CATSPERE: variants seen among roughly 807,000 people sequenced by gnomAD.
CATSPERE encodes cation channel sperm-associated auxiliary subunit epsilon.
CATSPERE carries 93 observed loss-of-function variants against 114.1 expected under a neutral mutation model. The observed-to-expected ratio is 0.81, with a 90% CI of 0.69 to 0.97. CATSPERE has a LOEUF of 0.97. CATSPERE is among the 50% of genes least tolerant of loss of function. The probability of loss-of-function intolerance (pLI) is 0.00; values close to 1 mark genes in which losing one functional copy is unlikely to be tolerated. For missense variants in CATSPERE, 1,058 were observed against 1,131.6 expected (o/e 0.93, Z 0.93); for synonymous variants, 341 against 384.1 (o/e 0.89, Z 1.31).
At chr1:244,610,103 C>G in intron 18 of CATSPERE, 137 bp from the exon 19 acceptor site, 1 of 600,518 alleles carries the variant, frequency 1.7e-6, no homozygotes, top group Non-Finnish European at 2.9e-6. Context: ...AATTATTCCT[C>G]TGTATACCAG....
chr1:244,618,935 G>A (rs991555119), intron 20 of CATSPERE, among the ~76,000 whole-genome samples: 7 of 152,184 alleles, frequency 4.6e-5, no homozygotes, highest in Admixed American at 6.5e-5. Flanking sequence ...TTGATCTAAC[G>A]TGGCAAGTAA....
chr1:244,534,287 C>T (rs3005966), intron 8 of CATSPERE, among the ~76,000 whole-genome samples: 132,526 of 152,090 alleles, frequency 0.87, 58,672 homozygotes, highest in East Asian at 1. Context: ...CTTCTTGTAC[C>T]GAATATTGAT....
chr1:244,588,321 C>A (rs1259304716), intron 13 of CATSPERE, among the ~76,000 whole-genome samples, 161 bp from the exon 14 acceptor site: 1 of 150,918 alleles, frequency 6.6e-6, no homozygotes, highest in Non-Finnish European at 1.5e-5. Flanking sequence ...AAAAAGTGAT[C>A]AAGGAAAGAG....
intron 8 of CATSPERE, among the ~76,000 whole-genome samples, chr1:244,545,355 A>G (rs747354798): frequency 1.3e-5 from 2 of 152,200 alleles, no homozygotes; most frequent in African/African-American, 2.4e-5. Flanking sequence ...TGGGATTGTT[A>G]TGCTGGGCCA....
chr1:244,640,042 A>G lies in CATSPERE; in HGVS notation c.2817A>G (p.Glu939=). Residue 939 remains glutamate, a synonymous_variant, in exon 22 of 22, where the codon GAA becomes GAG. Coordinates refer to ENST00000366534, the MANE Select transcript of CATSPERE (RefSeq NM_001130957.2). ...YMRIYRRYIY[E]PLHKPQRKRK... is the part of the protein sequence containing the mutation. ...GGATTTATAGACGATATATTTATGA[A>G]CCACTTCACAAACCTCAAAGAAAAC... 6.4e-7 allele frequency: 1 copy of G among 1,550,580 alleles called. No individual in the cohort carries two copies. The highest frequency in any genetic ancestry group is 8.7e-7 in the Non-Finnish European group (1 of 1,146,454).
chr1:244,521,020 G>C (rs1000956074), intron 8 of CATSPERE, among the ~76,000 whole-genome samples: 1 of 152,166 alleles, frequency 6.6e-6, no homozygotes, highest in Non-Finnish European at 1.5e-5. Flanking sequence ...TCTTATTCGT[G>C]AATGTAGATG....
chr1:244,621,325 T>TAAATATATAAATATATAAA (rs1558611656), intron 20 of CATSPERE, among the ~76,000 whole-genome samples: 2 of 11,740 alleles, frequency 1.7e-4, no homozygotes, highest in African/African-American at 3.8e-4. Flanking sequence ...AATATATATA[T>TAAATATATAAATATATAAA]ATATATATAT....
Position 244,605,722 on chromosome 1 carries a change from C to T in CATSPERE, c.2331C>T (p.Asp777=), listed in dbSNP as rs754905441. 62 of 1,612,254 alleles carry T rather than the reference C, an allele frequency of 3.8e-5. 1 individual carries two copies. In the South Asian group the frequency reaches 4.8e-4, roughly 13 times the overall value. The change falls in exon 18 of 22, where the codon GAC becomes GAT. Residue 777 remains aspartate, a synonymous_variant. Coordinates refer to ENST00000366534, the MANE Select transcript of CATSPERE (RefSeq NM_001130957.2). ...TTGATGATAATGGCTATGTTAAAGACGTTGAAGCAAATTTCATAGTGTGGG... is the reference window on the plus strand; with the variant it reads ...TTGATGATAATGGCTATGTTAAAGATGTTGAAGCAAATTTCATAGTGTGGG... The part of the protein sequence containing the change: ...QLFDDNGYVK[D]VEANFIVWEI...
chr1:244,488,740 C>T (rs1671474544), intron 5 of CATSPERE, among the ~76,000 whole-genome samples: 1 of 152,182 alleles, frequency 6.6e-6, no homozygotes, highest in Non-Finnish European at 1.5e-5. Flanking sequence ...AAGCATAACA[C>T]AAGGCAGAAG....
chr1:244,479,920 A>T, intron 5 of CATSPERE, 136 bp downstream of exon 5: 1 of 430,094 alleles, frequency 2.3e-6, no homozygotes, highest in Non-Finnish European at 4.1e-6. Flanking sequence ...ATTCTCAAAT[A>T]TACTGCCGAA....
intron 20 of CATSPERE, among the ~76,000 whole-genome samples, chr1:244,630,517 A>C (rs1312125657): frequency 6.6e-6 from 1 of 152,272 alleles, no homozygotes; most frequent in East Asian, 1.9e-4. Context: ...TGGGGGAGAT[A>C]GCAACTACTG....
intron 8 of CATSPERE, among the ~76,000 whole-genome samples, chr1:244,522,237 T>C (rs932806552): frequency 2.0e-5 from 3 of 152,146 alleles, no homozygotes; most frequent in Non-Finnish European, 1.5e-5. Context: ...GAATGACTAC[T>C]GGGTACATAA....
intron 10 of CATSPERE, among the ~76,000 whole-genome samples, chr1:244,565,761 T>C (rs1663362289): frequency 6.6e-6 from 1 of 152,150 alleles, no homozygotes; most frequent in Non-Finnish European, 1.5e-5. Context: ...GATTTCAAGA[T>C]TCATAGATTC....
intron 13 of CATSPERE, among the ~76,000 whole-genome samples, chr1:244,584,784 C>T (rs1177808101): frequency 6.6e-6 from 1 of 152,132 alleles, no homozygotes; most frequent in African/African-American, 2.4e-5. Flanking sequence ...GGCAAGGTTC[C>T]ATACATTTAG....
intron 2 of CATSPERE, among the ~76,000 whole-genome samples, chr1:244,476,614 C>T (rs977165895): frequency 6.6e-6 from 1 of 152,094 alleles, no homozygotes; most frequent in African/African-American, 2.4e-5. Context: ...AGTTAAAACA[C>T]CAAAGCAATC....
At chr1:244,637,764 C>T (rs774428259) in intron 21 of CATSPERE, among the ~76,000 whole-genome samples, 1 of 152,184 alleles carries the variant, frequency 6.6e-6, no homozygotes, top group African/African-American at 2.4e-5. Flanking sequence ...TCTGTAATAG[C>T]GATTTCAGAT....
At chr1:244,557,850 C>T (rs1167932767) in intron 9 of CATSPERE, among the ~76,000 whole-genome samples, 2 of 151,704 alleles carry the variant, frequency 1.3e-5, no homozygotes, top group South Asian at 2.1e-4. Context: ...TCTCAGATGA[C>T]CTGCTCGTTA....
At chr1:244,583,361 G>C (rs1666526524) in intron 12 of CATSPERE, among the ~76,000 whole-genome samples, 1 of 152,132 alleles carries the variant, frequency 6.6e-6, no homozygotes, top group African/African-American at 2.4e-5. Flanking sequence ...ATCTGACCTA[G>C]CTTTCAATCC....
At chr1:244,623,091 G>A (rs958107080) in intron 20 of CATSPERE, among the ~76,000 whole-genome samples, 1 of 32,064 alleles carries the variant, frequency 3.1e-5, no homozygotes, top group Admixed American at 3.3e-4. Flanking sequence ...TATTTATTTT[G>A]AGACTGAGTC....
Sources: allele counts gnomAD v4.1 joint callset (sites outside exome capture counted in the v4.1 genomes callset), GRCh38; gene constraint gnomAD v4.1.1; transcripts MANE v1.5; gene names NCBI Gene and HGNC (gene_info 2026-07-23, HGNC 2026-07-21).